EYS: variants seen among roughly 807,000 people sequenced by gnomAD.
The protein encoded by EYS is EGF-like photoreceptor maintenance factor.
In EYS, 250 loss-of-function variants were observed where a neutral mutation model predicts 282.1. The ratio of observed to expected loss-of-function variants is 0.89; its 90% CI spans 0.80 to 0.98. EYS has a LOEUF of 0.98. Among genes scored for constraint, EYS ranks in the 50% least tolerant of loss-of-function variants. The probability of loss-of-function intolerance (pLI) is 0.00; values close to 1 mark genes in which losing one functional copy is unlikely to be tolerated. For synonymous variants in EYS, 1,355 were observed against 1,282.9 expected (o/e 1.06, Z -1.20); for missense variants, 4,016 against 3,709.0 (o/e 1.08, Z -2.15).
chr6:65,697,981 G>C (rs1378710052), intron 1 of EYS, among the ~76,000 whole-genome samples: 1 of 152,126 alleles, frequency 6.6e-6, no homozygotes, highest in Non-Finnish European at 1.5e-5. Flanking sequence ...ATTTCACAAA[G>C]AGTGGCTTAA....
chr6:64,391,146 T>A (rs1034748685), intron 28 of EYS, among the ~76,000 whole-genome samples: 1 of 152,154 alleles, frequency 6.6e-6, no homozygotes, highest in Non-Finnish European at 1.5e-5. Context: ...AATCTACGAC[T>A]GATTGGTGTA....
chr6:64,327,314 G>A (rs548352353), intron 29 of EYS, among the ~76,000 whole-genome samples: 9 of 152,208 alleles, frequency 5.9e-5, no homozygotes, highest in African/African-American at 2.2e-4. Context: ...GTGAAAGTGA[G>A]AGTGAAAGCA....
chr6:64,519,088 G>A (rs1233608502), intron 26 of EYS, among the ~76,000 whole-genome samples: 1 of 151,768 alleles, frequency 6.6e-6, no homozygotes, highest in Admixed American at 6.6e-5. Flanking sequence ...GAGCCTCCAG[G>A]AAGGTTGCTG....
chr6:64,371,437 T>C (rs950401316), intron 29 of EYS, among the ~76,000 whole-genome samples: 3 of 151,970 alleles, frequency 2.0e-5, no homozygotes, highest in Non-Finnish European at 4.4e-5. Flanking sequence ...CCTGATTGTG[T>C]GGGTAATTTT....
chr6:65,441,417 T>C (rs570067952), intron 5 of EYS, among the ~76,000 whole-genome samples: 1 of 152,124 alleles, frequency 6.6e-6, no homozygotes, highest in South Asian at 2.1e-4. Flanking sequence ...AAAACTCTTA[T>C]TTGAAAATGC....
chr6:63,923,356 G>C (rs1018609080), intron 35 of EYS, among the ~76,000 whole-genome samples: 3 of 152,060 alleles, frequency 2.0e-5, no homozygotes, highest in Non-Finnish European at 2.9e-5. Flanking sequence ...GAAGCAAAGA[G>C]TAAGTTAACG....
intron 22 of EYS, among the ~76,000 whole-genome samples, chr6:64,635,823 T>C (rs1019252027): frequency 1.3e-5 from 2 of 152,216 alleles, no homozygotes; most frequent in African/African-American, 4.8e-5. Flanking sequence ...GGTATCAGGA[T>C]GATGCTGGCT....
intron 28 of EYS, among the ~76,000 whole-genome samples, chr6:64,404,542 G>C (rs1316431606): frequency 6.6e-6 from 1 of 152,094 alleles, no homozygotes; most frequent in Non-Finnish European, 1.5e-5. Flanking sequence ...TTCTCAGATA[G>C]GTATTTTAAA....
chr6:64,257,397 A>G (rs1767436551), intron 30 of EYS, among the ~76,000 whole-genome samples: 2 of 151,882 alleles, frequency 1.3e-5, no homozygotes, highest in South Asian at 4.1e-4. Context: ...CCTTTTTACC[A>G]TTTTAATCTA....
chr6:65,330,752 C>A, intron 11 of EYS: 1 of 960,406 alleles, frequency 1.0e-6, no homozygotes, highest in Non-Finnish European at 1.2e-6. Context: ...TTTCTCCATC[C>A]CGAAATCACA....
At chr6:64,131,169 A>C (rs983223177) in intron 31 of EYS, among the ~76,000 whole-genome samples, 1 of 152,026 alleles carries the variant, frequency 6.6e-6, no homozygotes, top group Non-Finnish European at 1.5e-5. Context: ...ACCCGGTGTG[A>C]ATTTTTAATT....
intron 31 of EYS, among the ~76,000 whole-genome samples, chr6:64,090,659 C>T (rs1766155032): frequency 6.6e-6 from 1 of 150,864 alleles, no homozygotes; most frequent in Admixed American, 6.6e-5. Flanking sequence ...GCTGAAAAAA[C>T]ATGCCTCTAA....
At chr6:64,782,557 A>T (rs965928029) in intron 22 of EYS, among the ~76,000 whole-genome samples, 1 of 152,192 alleles carries the variant, frequency 6.6e-6, no homozygotes, top group African/African-American at 2.4e-5. Flanking sequence ...TTTTTAAGCT[A>T]GGATAAGTGC....
intron 8 of EYS, among the ~76,000 whole-genome samples, chr6:65,371,302 T>C (rs1396654691): frequency 2.6e-5 from 4 of 151,736 alleles, no homozygotes; most frequent in African/African-American, 9.7e-5. Flanking sequence ...GAAAACACTA[T>C]GTCCTTTTAT....
At chr6:64,767,956 G>T (rs1270192521) in intron 22 of EYS, among the ~76,000 whole-genome samples, 1 of 151,890 alleles carries the variant, frequency 6.6e-6, no homozygotes, top group South Asian at 2.1e-4. Context: ...GTATTTTTTT[G>T]TGTTTTTGAT....
chr6:65,204,880 ACGT>A (rs1765989389), intron 12 of EYS, among the ~76,000 whole-genome samples: 4 of 148,662 alleles, frequency 2.7e-5, no homozygotes, highest in African/African-American at 4.9e-5. Context: ...TTCTGGAAGA[ACGT>A]ATTTATATAT....
intron 31 of EYS, among the ~76,000 whole-genome samples, chr6:64,094,472 A>G (rs895029297): frequency 5.9e-5 from 9 of 151,982 alleles, no homozygotes; most frequent in African/African-American, 2.2e-4. Context: ...CTTCTTCCTG[A>G]TTTAGTCTTG....
chr6:65,505,591 T>C (rs1192652289), intron 2 of EYS, among the ~76,000 whole-genome samples: 2 of 152,100 alleles, frequency 1.3e-5, no homozygotes, highest in Non-Finnish European at 2.9e-5. Flanking sequence ...TGACCAGTTA[T>C]AGTTTCATTT....
chr6:65,398,518 GA>G (rs34453042), intron 7 of EYS, among the ~76,000 whole-genome samples: 1,800 of 150,476 alleles, frequency 0.012, 18 homozygotes, highest in Non-Finnish European at 0.021. Flanking sequence ...AAAAATCCTA[GA>G]AAAAAAAACT....
Sources: gnomAD v4.1 joint callset for allele counts (sites outside exome capture counted in the v4.1 genomes callset) on GRCh38, gnomAD v4.1.1 for gene constraint, MANE v1.5 for transcripts, NCBI Gene and HGNC (gene_info 2026-07-23, HGNC 2026-07-21) for gene names.